PUS7: variants seen among roughly 807,000 people sequenced by gnomAD.
PUS7 encodes the protein pseudouridylate synthase 7 homolog.
PUS7 carries 48 observed loss-of-function variants against 79.8 expected under a neutral mutation model. The ratio of observed to expected loss-of-function variants is 0.60; its 90% confidence interval spans 0.48 to 0.76. The LOEUF (loss-of-function observed/expected upper bound fraction) is 0.76, where lower values mean the gene tolerates loss of function less well. Ranked by LOEUF, PUS7 falls within the 30% of genes least tolerant of loss-of-function variation. The probability of loss-of-function intolerance (pLI) is 0.00; values close to 1 mark genes in which losing one functional copy is unlikely to be tolerated. For synonymous variants in PUS7, 286 were observed against 272.2 expected, an observed-to-expected ratio of 1.05 and a Z score of -0.50; for missense variants, 729 against 797.6, an observed-to-expected ratio of 0.91 and a Z score of 1.04.
chr7:105,513,349 A>T (rs1825769437), intron 1 of PUS7, among the ~76,000 whole-genome samples: 1 of 152,204 alleles, frequency 6.6e-6, no homozygotes, highest in Non-Finnish European at 1.5e-5. Context: ...CTCCTTATGC[A>T]GAAAAAACAT....
intron 7 of PUS7, among the ~76,000 whole-genome samples, chr7:105,488,123 T>C (rs1050350000): frequency 2.6e-5 from 4 of 152,136 alleles, no homozygotes; most frequent in African/African-American, 9.7e-5. Context: ...AGGAAGATGA[T>C]AAAGGCAGCA....
chr7:105,480,720 G>A (rs1701304799), intron 9 of PUS7, among the ~76,000 whole-genome samples: 1 of 152,160 alleles, frequency 6.6e-6, no homozygotes, highest in Admixed American at 6.5e-5. Flanking sequence ...AGGATGCGGT[G>A]AGCCGAGATT....
chr7:105,490,903 T>C (rs1396324395), intron 7 of PUS7, among the ~76,000 whole-genome samples: 5 of 152,194 alleles, frequency 3.3e-5, no homozygotes, highest in Non-Finnish European at 7.3e-5. Flanking sequence ...TACTGCTACA[T>C]AGTGGGTAGA....
At position 105,468,361 on chromosome 7, in the gene PUS7, G is replaced by C. The variant is rs1162577809; in HGVS notation, c.1501C>G (p.Pro501Ala). ...RIEDYGLKPV[P>A]GDLVLKGATA... is the part of the protein sequence containing the mutation. ...CCTCCTTTGAGAACGAGGTCCCCTG[G>C]AACAGGTTTTAGTCCATAGTCTTCT... The change falls in exon 12 of 16, where the codon CCA (proline) becomes GCA (alanine). Residue 501 changes from proline (P) to alanine (A), a missense_variant. Physicochemically the swap from Pro to Ala is conservative, Grantham distance 27. Coordinates refer to ENST00000469408, the MANE Select transcript of PUS7 (RefSeq NM_019042.5). 9 of 1,613,176 alleles carry C rather than the reference G, an allele frequency of 5.6e-6. No homozygotes were observed. The highest frequency in any genetic ancestry group is 7.6e-6 in the Non-Finnish European group (9 of 1,179,710).
chr7:105,460,714 C>T (rs1023428185), intron 14 of PUS7, among the ~76,000 whole-genome samples: 65 of 151,268 alleles, frequency 4.3e-4, no homozygotes, highest in African/African-American at 1.4e-3. Flanking sequence ...ATTAGCCGGA[C>T]GTGGTAGCGG....
chr7:105,476,892 C>CCTTTCCATTTATTGAAA (rs1824134660), intron 9 of PUS7, among the ~76,000 whole-genome samples: 1 of 152,194 alleles, frequency 6.6e-6, no homozygotes, highest in Non-Finnish European at 1.5e-5. Context: ...TCTTTGGAAA[C>CCTTTCCATTTATTGAAA]ACATTTATTG....
chr7:105,478,354 G>T (rs1824189315), intron 9 of PUS7, among the ~76,000 whole-genome samples: 1 of 152,138 alleles, frequency 6.6e-6, no homozygotes, highest in Non-Finnish European at 1.5e-5. Context: ...AAATGCCTGG[G>T]TCATAGGCTA....
chr7:105,496,226 T>TAGAGAGAG lies in PUS7; in HGVS notation c.731-981_731-974dup, dbSNP rs1220535538. 1.0e-3 allele frequency among the ~76,000 whole-genome samples: 85 copies of TAGAGAGAG among 81,128 alleles called. 1 individual carries two copies. Among genetic ancestry groups the TAGAGAGAG allele is most frequent in the Admixed American group, 2.7e-3 (14 of 5,122 alleles). The allele number at this position is 81,128 out of a possible 152,430, so 53.2% of individuals were successfully genotyped here. A position where few individuals can be genotyped will look rare whatever the true frequency, so the allele number is the denominator to read the frequency against. ...ATATATATATATATATATATATATATAGAGAGAGAGAGAGAGAGAGAGAGA... is the reference window on the plus strand; with the variant it reads ...ATATATATATATATATATATATATATAGAGAGAGAGAGAGAGAGAGAGAGAGAGAGAGA... On this transcript the variant is annotated intron_variant, in intron 5 of 15. Transcript: ENST00000469408.
Position 105,470,865 on chromosome 7 carries a change from C to G in PUS7, c.1238-17G>C. The stretch of plus-strand genomic sequence containing the variant: ...CCTTTTCAGCTGCGGGGGGAAAAAG[C>G]TAGGGTTAAATGACTTACCCAATAG... On this transcript the variant is annotated splice_polypyrimidine_tract_variant and intron_variant, in intron 10 of 15. Transcript: ENST00000469408. 2 of 1,564,288 alleles carry G rather than the reference C, an allele frequency of 1.3e-6. No individual in the cohort carries two copies. The highest frequency in any genetic ancestry group is 8.7e-7 in the Non-Finnish European group (1 of 1,147,600).
chr7:105,458,763 C>T (rs1167417569), intron 15 of PUS7, among the ~76,000 whole-genome samples: 4 of 151,636 alleles, frequency 2.6e-5, no homozygotes, highest in Admixed American at 6.6e-5. Flanking sequence ...TTAGTAGAGA[C>T]GGGGTTTCAC....
chr7:105,465,799 C>T (rs1235476014), intron 12 of PUS7, among the ~76,000 whole-genome samples: 2 of 151,938 alleles, frequency 1.3e-5, no homozygotes, highest in Non-Finnish European at 2.9e-5. Context: ...AGCCATTGCA[C>T]TCCAGCCTGG....
At chr7:105,505,661 T>C (rs1825425339) in intron 4 of PUS7, among the ~76,000 whole-genome samples, 1 of 152,204 alleles carries the variant, frequency 6.6e-6, no homozygotes, top group South Asian at 2.1e-4. Context: ...TGGGCTCAAG[T>C]AAACCTCTGG....
intron 9 of PUS7, among the ~76,000 whole-genome samples, chr7:105,474,801 C>CA (rs1390608234): frequency 2.0e-5 from 3 of 151,728 alleles, no homozygotes; most frequent in Non-Finnish European, 2.9e-5. Context: ...CACAATAAAA[C>CA]AAAAAAACCT....
At chr7:105,501,501 A>G (rs933043101) in intron 5 of PUS7, among the ~76,000 whole-genome samples, 2 of 152,204 alleles carry the variant, frequency 1.3e-5, no homozygotes, top group Non-Finnish European at 2.9e-5. Context: ...CACTGGGACT[A>G]TGCCCATTTC....
At chr7:105,494,098 C>T (rs1824905645) in intron 6 of PUS7, among the ~76,000 whole-genome samples, 1 of 152,176 alleles carries the variant, frequency 6.6e-6, no homozygotes, top group African/African-American at 2.4e-5. Context: ...TCAGACCGGT[C>T]TCAGGTTTAG....
intron 1 of PUS7, among the ~76,000 whole-genome samples, chr7:105,520,139 C>G (rs551532354): frequency 6.6e-6 from 1 of 152,228 alleles, no homozygotes; most frequent in African/African-American, 2.4e-5. Context: ...GCCTGGCCAA[C>G]ATGGTGAAAC....
intron 1 of PUS7, among the ~76,000 whole-genome samples, chr7:105,521,820 G>GGAGCCGGGAGCGGA (rs1855504532): frequency 6.6e-6 from 1 of 151,328 alleles, no homozygotes; most frequent in South Asian, 2.1e-4. Context: ...CGGGGAGCGG[G>GGAGCCGGGAGCGGA]GAGCGGAGAG....
intron 8 of PUS7, among the ~76,000 whole-genome samples, chr7:105,481,873 G>A (rs1484700874): frequency 1.3e-5 from 2 of 152,040 alleles, no homozygotes; most frequent in Admixed American, 6.6e-5. Flanking sequence ...TGGGACTACA[G>A]GTGTCTGCCA....
chr7:105,472,020 TA>T (rs1171644513), intron 10 of PUS7, 111 bp downstream of exon 10: 1 of 652,752 alleles, frequency 1.5e-6, no homozygotes, highest in Non-Finnish European at 2.7e-6. Context: ...TAAAAACAAA[TA>T]AAATACTGAA....
Sources: allele counts gnomAD v4.1 joint callset (sites outside exome capture counted in the v4.1 genomes callset), GRCh38; gene constraint gnomAD v4.1.1; transcripts MANE v1.5; gene names NCBI Gene and HGNC (gene_info 2026-07-23, HGNC 2026-07-21).